The following REDIC1 variants were observed in gnomAD, a reference collection of about 807,000 sequenced individuals.
REDIC1 encodes the protein regulator of DNA class I crossover intermediates 1.
At chr12:39,866,213 A>T in the REDIC1 span, among the ~76,000 whole-genome samples, 83 of 152,366 alleles carry the variant, frequency 5.4e-4, no homozygotes, top group Non-Finnish European at 9.6e-4. Flanking sequence ...ATTGAGAAGC[A>T]TCGTGGAAGT....
At chr12:39,838,566 A>G in the REDIC1 span, among the ~76,000 whole-genome samples, 2 of 151,776 alleles carry the variant, frequency 1.3e-5, no homozygotes, top group South Asian at 4.2e-4. Context: ...AAAAGTAAGT[A>G]TTCATATATT....
the REDIC1 span, among the ~76,000 whole-genome samples, chr12:39,717,495 G>A: frequency 0.055 from 8,306 of 152,048 alleles, 264 homozygotes; most frequent in Middle Eastern, 0.092. Context: ...TCTTCATGTT[G>A]AGTAGGCTGA....
chr12:39,870,885 A>T, the REDIC1 span, among the ~76,000 whole-genome samples: 93,483 of 152,034 alleles, frequency 0.61, 28,951 homozygotes, highest in East Asian at 0.76. Context: ...GTATTTTCTC[A>T]TCAAATATGG....
chr12:39,631,138 C>T, the REDIC1 span, among the ~76,000 whole-genome samples: 17 of 152,314 alleles, frequency 1.1e-4, no homozygotes, highest in East Asian at 3.3e-3. Context: ...GATCCCCCCA[C>T]CTCGGCCTCC....
At chr12:39,820,793 A>G in the REDIC1 span, among the ~76,000 whole-genome samples, 1 of 147,332 alleles carries the variant, frequency 6.8e-6, no homozygotes, top group African/African-American at 2.5e-5. Flanking sequence ...ACATGTAAAA[A>G]TGCAAGCACC....
chr12:39,880,328 C>A, the REDIC1 span, among the ~76,000 whole-genome samples: 1 of 152,136 alleles, frequency 6.6e-6, no homozygotes, highest in Non-Finnish European at 1.5e-5. Context: ...ACTCAAGATA[C>A]AAACATCTTA....
At chr12:39,900,428 T>A in the REDIC1 span, among the ~76,000 whole-genome samples, 1 of 152,080 alleles carries the variant, frequency 6.6e-6, no homozygotes, top group East Asian at 1.9e-4. Context: ...TGATCGTATA[T>A]CTAGAAAACC....
At chr12:39,730,914 CT>C in the REDIC1 span, among the ~76,000 whole-genome samples, 5 of 152,138 alleles carry the variant, frequency 3.3e-5, no homozygotes, top group Non-Finnish European at 7.4e-5. Context: ...TCTTGAATCT[CT>C]GATAGACTTT....
the REDIC1 span, among the ~76,000 whole-genome samples, chr12:39,869,644 T>G: frequency 6.6e-6 from 1 of 152,136 alleles, no homozygotes; most frequent in South Asian, 2.1e-4. Context: ...CCCTGGTGTT[T>G]CCCGAGGAAT....
At chr12:39,826,981 T>C in the REDIC1 span, among the ~76,000 whole-genome samples, 663 of 147,026 alleles carry the variant, frequency 4.5e-3, 3 homozygotes, top group Non-Finnish European at 7.0e-3. Context: ...AAGTTAACTG[T>C]GGTTTTACCA....
the REDIC1 span, among the ~76,000 whole-genome samples, chr12:39,717,318 GTTGA>G: frequency 6.6e-6 from 1 of 151,600 alleles, no homozygotes; most frequent in Non-Finnish European, 1.5e-5. Context: ...AACATAAACA[GTTGA>G]TTAACACATA....
At chr12:39,695,815 G>C in the REDIC1 span, among the ~76,000 whole-genome samples, 2 of 152,128 alleles carry the variant, frequency 1.3e-5, no homozygotes, top group Non-Finnish European at 2.9e-5. Flanking sequence ...GTGCTGTGCT[G>C]TTTAACATCT....
At chr12:39,885,179 TCA>T in the REDIC1 span, among the ~76,000 whole-genome samples, 1 of 152,146 alleles carries the variant, frequency 6.6e-6, no homozygotes, top group Non-Finnish European at 1.5e-5. Flanking sequence ...GGAAGAAGGA[TCA>T]CTGGAGGAAC....
At chr12:39,686,658 C>T in the REDIC1 span, among the ~76,000 whole-genome samples, 3 of 152,208 alleles carry the variant, frequency 2.0e-5, no homozygotes, top group South Asian at 2.1e-4. Flanking sequence ...GCACTTAGCT[C>T]GTTTTTTACT....
At chr12:39,810,599 A>G in the REDIC1 span, among the ~76,000 whole-genome samples, 6 of 152,292 alleles carry the variant, frequency 3.9e-5, no homozygotes, top group South Asian at 1.2e-3. Flanking sequence ...AGTATAATGT[A>G]AGCTGTAGGT....
At chr12:39,700,395 A>G in the REDIC1 span, among the ~76,000 whole-genome samples, 8 of 152,196 alleles carry the variant, frequency 5.3e-5, no homozygotes, top group East Asian at 1.2e-3. Context: ...AAAAAAGAAT[A>G]AAAAGCAACG....
chr12:39,859,355 A>G, the REDIC1 span, among the ~76,000 whole-genome samples: 1 of 135,470 alleles, frequency 7.4e-6, no homozygotes, highest in Non-Finnish European at 1.6e-5. Flanking sequence ...AAAAAAAGTG[A>G]TAGCATTATG....
At chr12:39,761,385 G>A in the REDIC1 span, among the ~76,000 whole-genome samples, 1 of 151,964 alleles carries the variant, frequency 6.6e-6, no homozygotes, top group South Asian at 2.1e-4. Context: ...GTGTAATGGG[G>A]AAAATAATTC....
chr12:39,771,216 G>A, the REDIC1 span, among the ~76,000 whole-genome samples: 1 of 152,110 alleles, frequency 6.6e-6, no homozygotes, highest in Non-Finnish European at 1.5e-5. Flanking sequence ...CCTATTTTCT[G>A]ATTTTCATGC....
Sources: gnomAD v4.1 joint callset for allele counts (sites outside exome capture counted in the v4.1 genomes callset) on GRCh38, gnomAD v4.1.1 for gene constraint, MANE v1.5 for transcripts, NCBI Gene and HGNC (gene_info 2026-07-23, HGNC 2026-07-21) for gene names.